Variants in WWTR1 observed in about 807,000 individuals in gnomAD.
The protein encoded by WWTR1 is WW domain-containing transcription regulator protein 1.
WWTR1 carries 13 observed loss-of-function variants against 40.1 expected under a neutral mutation model. That is an observed-to-expected ratio of 0.32 (90% CI 0.21 to 0.52). The LOEUF (loss-of-function observed/expected upper bound fraction) is 0.52, where lower values mean the gene tolerates loss of function less well. Ranked by LOEUF, WWTR1 falls within the 20% of genes least tolerant of loss-of-function variation. WWTR1 has a pLI of 0.97. For missense variants in WWTR1, 436 were observed against 523.1 expected, an observed-to-expected ratio of 0.83 and a Z score of 1.63; for synonymous variants, 230 against 210.1, an observed-to-expected ratio of 1.09 and a Z score of -0.82.
intron 4 of WWTR1, among the ~76,000 whole-genome samples, chr3:149,540,729 A>G (rs1198606062): frequency 6.6e-6 from 1 of 150,700 alleles, no homozygotes; most frequent in Non-Finnish European, 1.5e-5. Context: ...TCAAACATAA[A>G]TCCTCAGGGT....
intron 2 of WWTR1, among the ~76,000 whole-genome samples, chr3:149,645,368 C>T (rs1259432295): frequency 6.6e-6 from 1 of 152,112 alleles, no homozygotes; most frequent in Non-Finnish European, 1.5e-5. Flanking sequence ...TGTGAGCCAC[C>T]ACGCCTGGCC....
chr3:149,674,695 A>C (rs906158696), intron 1 of WWTR1, among the ~76,000 whole-genome samples: 1 of 152,182 alleles, frequency 6.6e-6, no homozygotes, highest in African/African-American at 2.4e-5. Context: ...AAAGTTACTT[A>C]ACTTAGCTTG....
intron 2 of WWTR1, among the ~76,000 whole-genome samples, chr3:149,631,678 A>G (rs1362989336): frequency 6.6e-6 from 1 of 152,170 alleles, no homozygotes; most frequent in East Asian, 1.9e-4. Flanking sequence ...AGAGGGAAAA[A>G]CATTTCACTC....
upstream of WWTR1, chr3:149,658,491 G>A: frequency 6.6e-6 from 1 of 152,502 alleles, no homozygotes; most frequent in Non-Finnish European, 1.5e-5. Context: ...CCGGAGCGCC[G>A]CACTGACCCG....
At chr3:149,671,047 T>C (rs1407461807) in intron 1 of WWTR1, 2 of 152,156 alleles carry the variant, frequency 1.3e-5, no homozygotes, top group African/African-American at 4.8e-5. Flanking sequence ...ACTTTGCACT[T>C]GTATAATACC....
intron 2 of WWTR1, among the ~76,000 whole-genome samples, chr3:149,633,818 C>T (rs1711671475): frequency 6.6e-6 from 1 of 152,090 alleles, no homozygotes. Context: ...TGGGTGGCAG[C>T]AAATGGGTTG....
At chr3:149,550,740 G>GTTC (rs1736581152) in intron 3 of WWTR1, among the ~76,000 whole-genome samples, 1 of 109,288 alleles carries the variant, frequency 9.2e-6, no homozygotes, top group African/African-American at 3.8e-5. Flanking sequence ...ACAAAATACA[G>GTTC]GAAAAGCAAG....
At position 149,634,460 on chromosome 3, in the gene WWTR1, C is replaced by T. The variant is rs572258545; in HGVS notation, c.431+22416G>A. Among the ~76,000 whole-genome samples, 13 of 152,296 alleles carry T rather than the reference C, an allele frequency of 8.5e-5. No individual in the cohort carries two copies. In the South Asian group the frequency reaches 2.5e-3, roughly 29 times the overall value. ...TAAGGAAAAGCCTCATTATCTCCCACCAAAGTTTCCTTTTTCACTCATTTT... is the reference window on the plus strand; with the variant it reads ...TAAGGAAAAGCCTCATTATCTCCCATCAAAGTTTCCTTTTTCACTCATTTT... On this transcript the variant is annotated intron_variant, in intron 2 of 6. Coordinates refer to ENST00000360632, the MANE Select transcript of WWTR1 (RefSeq NM_015472.6).
intron 4 of WWTR1, among the ~76,000 whole-genome samples, chr3:149,528,725 C>T (rs1735443038): frequency 6.6e-6 from 1 of 151,910 alleles, no homozygotes; most frequent in Non-Finnish European, 1.5e-5. Flanking sequence ...GCAGAGATCA[C>T]GACACTGTAC....
chr3:149,595,205 T>C (rs1422657327), intron 2 of WWTR1, among the ~76,000 whole-genome samples: 1 of 151,798 alleles, frequency 6.6e-6, no homozygotes, highest in Non-Finnish European at 1.5e-5. Context: ...CGTGATCCAC[T>C]CACCTCGGCC....
intron 1 of WWTR1, chr3:149,701,870 G>A (rs371607511): frequency 2.3e-5 from 4 of 177,536 alleles, no homozygotes; most frequent in African/African-American, 4.7e-5. Flanking sequence ...TATGTTATAC[G>A]CAGACTGCAC....
chr3:149,621,072 T>A (rs1740242604), intron 2 of WWTR1, among the ~76,000 whole-genome samples: 1 of 152,356 alleles, frequency 6.6e-6, no homozygotes, highest in Middle Eastern at 3.4e-3. Context: ...CCGTTCTTAC[T>A]TTAGGGTCCT....
At chr3:149,664,439 A>G (rs913214549) in intron 2 of WWTR1, among the ~76,000 whole-genome samples, 2 of 152,254 alleles carry the variant, frequency 1.3e-5, no homozygotes, top group African/African-American at 4.8e-5. Context: ...CAAATATGCA[A>G]ATACCTAAAT....
At chr3:149,583,133 T>G (rs1738233911) in intron 2 of WWTR1, among the ~76,000 whole-genome samples, 1 of 152,102 alleles carries the variant, frequency 6.6e-6, no homozygotes, top group Admixed American at 6.5e-5. Context: ...ACCTGACGAA[T>G]TTTTGTATTT....
At chr3:149,616,863 A>T (rs1400879891) in intron 2 of WWTR1, among the ~76,000 whole-genome samples, 1 of 152,224 alleles carries the variant, frequency 6.6e-6, no homozygotes, top group Non-Finnish European at 1.5e-5. Context: ...CTTATTCATT[A>T]CTACATCCCG....
intron 2 of WWTR1, among the ~76,000 whole-genome samples, chr3:149,630,183 G>T (rs1425602445): frequency 6.6e-6 from 1 of 151,892 alleles, no homozygotes; most frequent in Non-Finnish European, 1.5e-5. Flanking sequence ...TCTTCGGTGC[G>T]TTTTTTTCTT....
At chr3:149,555,114 G>T (rs1736764242) in intron 3 of WWTR1, among the ~76,000 whole-genome samples, 1 of 152,160 alleles carries the variant, frequency 6.6e-6, no homozygotes. Context: ...ACTACTCCAG[G>T]TGCGAAGTAT....
At chr3:149,694,950 A>G (rs1461881934) in intron 1 of WWTR1, among the ~76,000 whole-genome samples, 1 of 152,252 alleles carries the variant, frequency 6.6e-6, no homozygotes, top group Non-Finnish European at 1.5e-5. Context: ...AAAATATGGT[A>G]CACATACACA....
intron 2 of WWTR1, among the ~76,000 whole-genome samples, chr3:149,645,973 G>A (rs942387538): frequency 5.3e-5 from 8 of 152,098 alleles, no homozygotes; most frequent in Non-Finnish European, 1.0e-4. Flanking sequence ...AAAACAATGA[G>A]TTACTGTAGA....
Sources: allele counts gnomAD v4.1 joint callset (sites outside exome capture counted in the v4.1 genomes callset), GRCh38; gene constraint gnomAD v4.1.1; transcripts MANE v1.5; gene names NCBI Gene and HGNC (gene_info 2026-07-23, HGNC 2026-07-21).